TSPEAR: variants seen among roughly 807,000 people sequenced by gnomAD.
The protein encoded by TSPEAR is thrombospondin type laminin G domain and EAR repeats.
A neutral mutation model predicts 71.6 loss-of-function variants in TSPEAR; 69 were observed. The ratio of observed to expected loss-of-function variants is 0.96; its 90% CI spans 0.79 to 1.18. TSPEAR has a LOEUF of 1.18. TSPEAR is among the 50% of genes most tolerant of loss of function. The probability of loss-of-function intolerance (pLI) is 0.00; values close to 1 mark genes in which losing one functional copy is unlikely to be tolerated. For synonymous variants in TSPEAR, 402 were observed against 387.2 expected, an observed-to-expected ratio of 1.04 and a Z score of -0.45; for missense variants, 971 against 894.9, an observed-to-expected ratio of 1.09 and a Z score of -1.09.
rs71199618 is a variant in TSPEAR, at chr21:44,689,712, AATATATATATATATATAT to A, written c.82+21703_82+21720del. Among the ~76,000 whole-genome samples, 62 of 62,054 alleles carry A rather than the reference AATATATATATATATATAT, an allele frequency of 1.0e-3. 1 individual carries two copies. The Middle Eastern group carries it at 0.031, about 31-fold the overall frequency. The allele number at this position is 62,054 out of a possible 152,430, so 40.7% of individuals were successfully genotyped here. A position where few individuals can be genotyped will look rare whatever the true frequency, so the allele number is the denominator to read the frequency against. On this transcript the variant is annotated intron_variant, in intron 1 of 11. Transcript: ENST00000323084. ...TCCCTTAGAGGGACAGAATAGAATG[AATATATATATATATATAT>A]ATATATATATTTTGGGGGGGGTTAC... is the stretch of plus-strand genomic sequence containing the variant.
At chr21:44,706,830 T>A (rs137987190) in intron 1 of TSPEAR, among the ~76,000 whole-genome samples, 45 of 152,284 alleles carry the variant, frequency 3.0e-4, no homozygotes, top group Non-Finnish European at 6.2e-4. Context: ...AAGCTGCCCA[T>A]GGGATTGGAT....
intron 1 of TSPEAR, among the ~76,000 whole-genome samples, chr21:44,694,027 C>T (rs1987225267): frequency 6.6e-6 from 1 of 152,094 alleles, no homozygotes; most frequent in South Asian, 2.1e-4. Context: ...GTGGTACTAA[C>T]ATAAGGATAG....
At chr21:44,537,760 T>G (rs1342354873) in intron 2 of TSPEAR, among the ~76,000 whole-genome samples, 2 of 152,082 alleles carry the variant, frequency 1.3e-5, no homozygotes, top group African/African-American at 4.8e-5. Context: ...TTGGAAATAT[T>G]TGGAGGGCAT....
intron 1 of TSPEAR, among the ~76,000 whole-genome samples, chr21:44,704,654 C>T (rs1216530466): frequency 6.6e-6 from 1 of 152,208 alleles, no homozygotes; most frequent in African/African-American, 2.4e-5. Context: ...GCAGAGGTCT[C>T]TCCAGGATGG....
chr21:44,597,470 T>C (rs1555927771), intron 1 of TSPEAR, among the ~76,000 whole-genome samples: 1 of 150,830 alleles, frequency 6.6e-6, no homozygotes, highest in East Asian at 1.9e-4. Context: ...CTCACTCTTG[T>C]CGCCCAGGCT....
chr21:44,698,169 A>C, intron 1 of TSPEAR: 1 of 606,414 alleles, frequency 1.6e-6, no homozygotes. Context: ...ACCACTTCCC[A>C]CATTCCAGGC....
intron 1 of TSPEAR, among the ~76,000 whole-genome samples, chr21:44,668,606 G>A (rs28796990): frequency 0.18 from 26,656 of 152,140 alleles, 2,569 homozygotes; most frequent in Non-Finnish European, 0.21. Flanking sequence ...GAAAAGAATA[G>A]AGCTGGAGGA....
intron 2 of TSPEAR, among the ~76,000 whole-genome samples, chr21:44,564,990 G>A (rs949349586): frequency 6.6e-6 from 1 of 151,864 alleles, no homozygotes; most frequent in Non-Finnish European, 1.5e-5. Flanking sequence ...AAAAACTGGG[G>A]AAACACACAA....
At chr21:44,595,340 T>C (rs1555927489) in intron 1 of TSPEAR, among the ~76,000 whole-genome samples, 4 of 152,200 alleles carry the variant, frequency 2.6e-5, no homozygotes, top group Non-Finnish European at 5.9e-5. Flanking sequence ...AACCAAATAC[T>C]GAACCACTGC....
chr21:44,533,799 G>A lies in TSPEAR; in HGVS notation c.428C>T (p.Thr143Ile). The A allele has an allele frequency of 6.2e-7, 1 of 1,612,542 alleles. No homozygotes were observed. The highest frequency in any genetic ancestry group is 8.5e-7 in the Non-Finnish European group (1 of 1,179,904). The change falls in exon 3 of 12, where the codon ACC (threonine) becomes ATC (isoleucine). Residue 143 changes from threonine (T) to isoleucine (I), a missense_variant. Coordinates refer to ENST00000323084, the MANE Select transcript of TSPEAR (RefSeq NM_144991.3). Reference protein sequence around the residue: ...LREDTAGAWQTRVSFRSPALV... With the variant: ...LREDTAGAWQIRVSFRSPALV... Reference sequence around the variant, plus strand: ...GGCCGGGCTGCGGAAGGACACTCGGGTCTGCCAGGCGCCGGCCGTGTCCTC... The same window carrying A: ...GGCCGGGCTGCGGAAGGACACTCGGATCTGCCAGGCGCCGGCCGTGTCCTC...
intron 1 of TSPEAR, among the ~76,000 whole-genome samples, chr21:44,595,623 AAAC>A (rs1281472253): frequency 6.6e-6 from 1 of 152,206 alleles, no homozygotes; most frequent in African/African-American, 2.4e-5. Flanking sequence ...GGGGCACTTT[AAAC>A]AACAAGATCA....
intron 1 of TSPEAR, among the ~76,000 whole-genome samples, chr21:44,602,521 G>A (rs902298826): frequency 1.3e-5 from 2 of 152,100 alleles, no homozygotes; most frequent in Non-Finnish European, 2.9e-5. Flanking sequence ...CCGCTGGCCG[G>A]GCTGGCCCTT....
chr21:44,587,149 C>G lies in TSPEAR; in HGVS notation c.83-19144G>C, dbSNP rs377137750. ...GTACACCTAGAAAACCCCAAAGATT[C>G]CTACAAAAAGCTCCTAGAACTGATA... On this transcript the variant is annotated intron_variant, in intron 1 of 11. Transcript: ENST00000323084. Among the ~76,000 whole-genome samples, 33 of 152,292 alleles carry G rather than the reference C, an allele frequency of 2.2e-4. No individual in the cohort carries two copies. In the South Asian group the frequency reaches 6.2e-3, roughly 29 times the overall value.
At chr21:44,597,424 C>CTT (rs66736231) in intron 1 of TSPEAR, among the ~76,000 whole-genome samples, 2,481 of 125,310 alleles carry the variant, frequency 0.02, 73 homozygotes, top group African/African-American at 0.07. Flanking sequence ...TTTTCTTTTT[C>CTT]TTTCTTTCTT....
At chr21:44,579,511 T>G in intron 1 of TSPEAR, 1 of 576,192 alleles carries the variant, frequency 1.7e-6, no homozygotes, top group East Asian at 2.9e-5. Context: ...CAGGTTCAAG[T>G]CGAGGCCAAG....
intron 1 of TSPEAR, among the ~76,000 whole-genome samples, chr21:44,613,428 C>T (rs1244217175): frequency 2.0e-5 from 3 of 152,190 alleles, no homozygotes; most frequent in Admixed American, 1.3e-4. Flanking sequence ...TGGTCATTCG[C>T]TGTAGTGCCC....
intron 2 of TSPEAR, chr21:44,558,138 G>C (rs372246912): frequency 1.9e-6 from 3 of 1,613,144 alleles, no homozygotes; most frequent in Non-Finnish European, 2.5e-6. Flanking sequence ...GGACACGCAG[G>C]AGGCCGGGCG....
intron 2 of TSPEAR, among the ~76,000 whole-genome samples, chr21:44,542,554 C>T (rs1440215097): frequency 4.6e-5 from 7 of 151,934 alleles, no homozygotes; most frequent in African/African-American, 1.4e-4. Context: ...TGAAGACCAG[C>T]CAGGACAATA....
intron 1 of TSPEAR, among the ~76,000 whole-genome samples, chr21:44,600,404 G>A (rs1316369626): frequency 6.6e-6 from 1 of 152,156 alleles, no homozygotes; most frequent in Non-Finnish European, 1.5e-5. Flanking sequence ...CAAACTGAAC[G>A]GCATCTCATA....
Sources: gnomAD v4.1 joint callset for allele counts (sites outside exome capture counted in the v4.1 genomes callset) on GRCh38, gnomAD v4.1.1 for gene constraint, MANE v1.5 for transcripts, NCBI Gene and HGNC (gene_info 2026-07-23, HGNC 2026-07-21) for gene names.